Variants in SLC12A1 observed in about 807,000 individuals in gnomAD.
SLC12A1 encodes solute carrier family 12 member 1, also known as Na-K-2Cl cotransporter.
Under a neutral mutation model 130.4 loss-of-function variants are expected in SLC12A1, and 89 were observed. That is an observed-to-expected ratio of 0.68 (90% CI 0.58 to 0.81). The LOEUF (loss-of-function observed/expected upper bound fraction) is 0.81. Ranked by LOEUF, SLC12A1 falls within the 40% of genes least tolerant of loss-of-function variation. The probability of loss-of-function intolerance (pLI) is 0.00; values close to 1 mark genes in which losing one functional copy is unlikely to be tolerated. For synonymous variants in SLC12A1, 499 were observed against 460.0 expected, an observed-to-expected ratio of 1.08 and a Z score of -1.09; for missense variants, 1,310 against 1,336.4, an observed-to-expected ratio of 0.98 and a Z score of 0.31.
intron 20 of SLC12A1, among the ~76,000 whole-genome samples, chr15:48,279,705 C>T (rs2041991311): frequency 6.6e-6 from 1 of 152,098 alleles, no homozygotes; most frequent in African/African-American, 2.4e-5. Context: ...CAAAATTGTA[C>T]TGGTAAGAAA....
At chr15:48,247,680 C>T (rs1421951997) in intron 13 of SLC12A1, among the ~76,000 whole-genome samples, 1 of 152,288 alleles carries the variant, frequency 6.6e-6, no homozygotes, top group Admixed American at 6.5e-5. Context: ...CTTGAGTGTT[C>T]GAAATCCATC....
chr15:48,221,848 T>C (rs1183418075), intron 4 of SLC12A1, among the ~76,000 whole-genome samples: 1 of 152,226 alleles, frequency 6.6e-6, no homozygotes, highest in Non-Finnish European at 1.5e-5. Context: ...GGAAGTTCTA[T>C]TGTGCTTTCA....
Position 48,208,080 on chromosome 15 carries a change from A to T in SLC12A1, c.361A>T (p.Ile121Phe), listed in dbSNP as rs2140999758. 6.2e-7 allele frequency: 1 copy of T among 1,613,128 alleles called. No homozygotes were observed. The highest frequency in any genetic ancestry group is 1.1e-5 in the South Asian group (1 of 90,886). ...KIEYYRNTGS[I>F]SGPKVNRPSL... is the part of the protein sequence containing the mutation. ...AGAGTACTATCGTAACACCGGCAGCATCAGTGGGCCCAAGGTCAACCGACC... is the reference window on the plus strand; with the variant it reads ...AGAGTACTATCGTAACACCGGCAGCTTCAGTGGGCCCAAGGTCAACCGACC... Residue 121 changes from isoleucine to phenylalanine, a missense_variant, in exon 2 of 27, where the codon ATC becomes TTC. Transcript: ENST00000380993.
intron 9 of SLC12A1, among the ~76,000 whole-genome samples, chr15:48,235,977 G>A (rs1432749121): frequency 6.6e-6 from 1 of 152,108 alleles, no homozygotes; most frequent in Non-Finnish European, 1.5e-5. Flanking sequence ...TTGCAAAGGA[G>A]GGCGGGAAAT....
intron 8 of SLC12A1, among the ~76,000 whole-genome samples, chr15:48,233,874 C>CA (rs1394859069): frequency 6.6e-6 from 1 of 152,014 alleles, no homozygotes; most frequent in Non-Finnish European, 1.5e-5. Flanking sequence ...CTTTTGTTCA[C>CA]ATTTTTTTCC....
chr15:48,217,316 T>C (rs1237144372), intron 2 of SLC12A1, among the ~76,000 whole-genome samples: 1 of 152,180 alleles, frequency 6.6e-6, no homozygotes, highest in African/African-American at 2.4e-5. Flanking sequence ...TTTTTCCTTT[T>C]TAAAAAGTAG....
At chr15:48,276,363 T>C (rs1038145636) in intron 20 of SLC12A1, among the ~76,000 whole-genome samples, 4 of 152,176 alleles carry the variant, frequency 2.6e-5, no homozygotes, top group African/African-American at 9.6e-5. Context: ...AATTCATATG[T>C]TGAAGTGCTA....
rs960150256 is a variant in SLC12A1 at position 48,275,571 on chromosome 15, T to C, written c.2485+918T>C. Among the ~76,000 whole-genome samples, 39 of 152,074 alleles carry C rather than the reference T, an allele frequency of 2.6e-4. 1 individual carries two copies. Among genetic ancestry groups the C allele is most frequent in the Non-Finnish European group, 2.9e-5 (2 of 68,010 alleles). ...TACCTTTGATTTGCGATGCACTGGA[T>C]GAGTAGGAGTTAACCAGACAAAGTT... is the stretch of plus-strand genomic sequence containing the variant. On this transcript the variant is annotated intron_variant, in intron 20 of 26. Coordinates refer to ENST00000380993, the MANE Select transcript of SLC12A1 (RefSeq NM_000338.3).
intron 2 of SLC12A1, among the ~76,000 whole-genome samples, chr15:48,208,977 T>C (rs193064937): frequency 5.9e-5 from 9 of 152,320 alleles, no homozygotes; most frequent in Non-Finnish European, 8.8e-5. Context: ...TAAATTAAAG[T>C]ACAGAAGCAG....
At chr15:48,262,663 T>C (rs1288197412) in intron 17 of SLC12A1, among the ~76,000 whole-genome samples, 2 of 152,194 alleles carry the variant, frequency 1.3e-5, no homozygotes, top group South Asian at 2.1e-4. Context: ...AAAAATACTG[T>C]CTATTCTTCT....
intron 9 of SLC12A1, chr15:48,237,094 C>A (rs1348331903): frequency 5.8e-6 from 4 of 690,856 alleles, no homozygotes; most frequent in African/African-American, 1.8e-5. Flanking sequence ...GAATCAAGTG[C>A]AAAGGAAAGA....
chr15:48,252,760 T>G (rs1186862634), intron 15 of SLC12A1, among the ~76,000 whole-genome samples: 1 of 151,728 alleles, frequency 6.6e-6, no homozygotes, highest in African/African-American at 2.4e-5. Context: ...GGGAATGGTA[T>G]TTTGGGCAGA....
In SLC12A1 at chr15:48,247,430, T is replaced by C; in HGVS notation, c.1654T>C (p.Phe552Leu). 1 of 1,609,984 alleles carries C rather than the reference T, an allele frequency of 6.2e-7. No individual in the cohort carries two copies. The highest frequency in any genetic ancestry group is 1.1e-5 in the South Asian group (1 of 90,848). The change falls in exon 13 of 27, where the codon TTT (phenylalanine) becomes CTT (leucine). Residue 552 changes from phenylalanine (F) to leucine (L), a missense_variant. Coordinates refer to ENST00000380993, the MANE Select transcript of SLC12A1 (RefSeq NM_000338.3). ...NEPLRGYILT[F>L]LIAMAFILIA... ...ACCCCTGAGAGGATATATTCTCACT[T>C]TTCTTATAGCCATGGCATTTATTCT...
chr15:48,287,791 T>C (rs1035243419), intron 21 of SLC12A1, among the ~76,000 whole-genome samples: 1 of 152,244 alleles, frequency 6.6e-6, no homozygotes, highest in South Asian at 2.1e-4. Context: ...CATTGTCTTT[T>C]AATAAAAACT....
chr15:48,213,698 T>C (rs1457874362), intron 2 of SLC12A1, among the ~76,000 whole-genome samples: 1 of 152,010 alleles, frequency 6.6e-6, no homozygotes, highest in Non-Finnish European at 1.5e-5. Flanking sequence ...TTTTGTTTTG[T>C]ATTTTTAGTA....
chr15:48,239,882 C>G (rs1427180947), intron 9 of SLC12A1, among the ~76,000 whole-genome samples: 1 of 151,630 alleles, frequency 6.6e-6, no homozygotes, highest in Non-Finnish European at 1.5e-5. Context: ...AACTCCTGAC[C>G]TCAGGTGATC....
At chr15:48,234,718 A>C (rs1597414207) in intron 8 of SLC12A1, among the ~76,000 whole-genome samples, 159 bp from the exon 9 acceptor site, 1 of 151,596 alleles carries the variant, frequency 6.6e-6, no homozygotes, top group Admixed American at 6.6e-5. Context: ...GTGCCATTGC[A>C]CTCCAGCCTG....
chr15:48,239,839 T>C (rs1224684729), intron 9 of SLC12A1, among the ~76,000 whole-genome samples: 1 of 151,280 alleles, frequency 6.6e-6, no homozygotes, highest in Non-Finnish European at 1.5e-5. Context: ...TTAGTAGAGA[T>C]GGGGTTTCGC....
intron 6 of SLC12A1, among the ~76,000 whole-genome samples, chr15:48,230,167 G>T (rs112243594): frequency 6.6e-6 from 1 of 152,106 alleles, no homozygotes; most frequent in African/African-American, 2.4e-5. Flanking sequence ...AAGCTAGAAT[G>T]AATCTCTAAA....
Sources: gnomAD v4.1 joint callset for allele counts (sites outside exome capture counted in the v4.1 genomes callset) on GRCh38, gnomAD v4.1.1 for gene constraint, MANE v1.5 for transcripts, NCBI Gene and HGNC (gene_info 2026-07-23, HGNC 2026-07-21) for gene names.